DYSF: variants seen among roughly 807,000 people sequenced by gnomAD.
The protein encoded by DYSF is dysferlin.
Under a neutral mutation model 274.9 loss-of-function variants are expected in DYSF, and 212 were observed. The observed-to-expected ratio is 0.77, with a 90% CI of 0.69 to 0.86. The LOEUF is 0.86. Among genes scored for constraint, DYSF ranks in the 40% least tolerant of loss-of-function variants. DYSF has a pLI of 0.00. For missense variants in DYSF, 2,666 were observed against 2,783.2 expected (o/e 0.96, Z 0.95); for synonymous variants, 1,091 against 1,078.7 (o/e 1.01, Z -0.22).
At chr2:71,651,979 T>C (rs1348254224) in intron 42 of DYSF, among the ~76,000 whole-genome samples, 2 of 152,210 alleles carry the variant, frequency 1.3e-5, no homozygotes, top group Non-Finnish European at 2.9e-5. Flanking sequence ...ATATTGGAAA[T>C]AGGAGTTTCC....
At chr2:71,618,073 T>TGA (rs2093954775) in intron 40 of DYSF, among the ~76,000 whole-genome samples, 1 of 123,330 alleles carries the variant, frequency 8.1e-6, no homozygotes. Context: ...AGATGGGGTG[T>TGA]GTGTGTGGTA....
chr2:71,561,948 A>G lies in DYSF; in HGVS notation c.2409+4A>G. 2 of 1,613,170 alleles carry G rather than the reference A, an allele frequency of 1.2e-6. No individual in the cohort carries two copies. Among genetic ancestry groups the G allele is most frequent in the Non-Finnish European group, 1.7e-6 (2 of 1,179,738 alleles). ...TCTGCGTGCCCTGGCAGAGGAGGTA[A>G]TTAAGCCTGGGGGTGCCTTTCTTCT... On this transcript the variant is annotated splice_donor_region_variant and intron_variant, in intron 23 of 55. Coordinates refer to ENST00000410020, the MANE Select transcript of DYSF (RefSeq NM_001130987.2).
intron 1 of DYSF, among the ~76,000 whole-genome samples, chr2:71,470,199 T>G (rs1000220699): frequency 6.6e-6 from 1 of 152,094 alleles, no homozygotes; most frequent in African/African-American, 2.4e-5. Context: ...CCACCTCTTC[T>G]CTTCTTGATC....
chr2:71,544,823 T>C (rs190705616), intron 17 of DYSF, among the ~76,000 whole-genome samples: 1 of 152,340 alleles, frequency 6.6e-6, no homozygotes, highest in East Asian at 1.9e-4. Flanking sequence ...CAGAGGCATG[T>C]ACCTGACATT....
At chr2:71,602,034 C>T (rs2093561235) in intron 35 of DYSF, among the ~76,000 whole-genome samples, 1 of 152,228 alleles carries the variant, frequency 6.6e-6, no homozygotes, top group Non-Finnish European at 1.5e-5. Context: ...GACCACATTT[C>T]CCACTGAATT....
At chr2:71,528,839 C>T (rs1573764807) in intron 14 of DYSF, among the ~76,000 whole-genome samples, 2 of 152,172 alleles carry the variant, frequency 1.3e-5, no homozygotes, top group African/African-American at 4.8e-5. Flanking sequence ...GCACCCTAGC[C>T]TCTTCCTTGC....
chr2:71,457,117 G>A (rs2081099936), intron 1 of DYSF, among the ~76,000 whole-genome samples: 1 of 152,208 alleles, frequency 6.6e-6, no homozygotes, highest in Non-Finnish European at 1.5e-5. Context: ...CCCACCAACA[G>A]TCCTATGAAA....
intron 47 of DYSF, among the ~76,000 whole-genome samples, chr2:71,666,843 G>T (rs1184522930): frequency 6.6e-6 from 1 of 152,212 alleles, no homozygotes; most frequent in African/African-American, 2.4e-5. Flanking sequence ...CAGCTTCTAG[G>T]ATCCTCATGA....
chr2:71,534,065 C>A (rs764819995), intron 14 of DYSF, among the ~76,000 whole-genome samples: 1 of 152,016 alleles, frequency 6.6e-6, no homozygotes, highest in Admixed American at 6.5e-5. Context: ...GCTCTTTTTA[C>A]AGGGAGGAGG....
chr2:71,602,922 A>C, intron 36 of DYSF, 117 bp downstream of exon 36: 1 of 1,250,778 alleles, frequency 8.0e-7, no homozygotes. Flanking sequence ...CATCTGTCAC[A>C]TGGAGACCTG....
chr2:71,614,253 G>T (rs1394513895), intron 40 of DYSF, among the ~76,000 whole-genome samples: 2 of 152,200 alleles, frequency 1.3e-5, no homozygotes, highest in Non-Finnish European at 2.9e-5. Flanking sequence ...TCTGGGCTTT[G>T]CAAGATACTG....
chr2:71,652,309 C>T (rs1234500237), intron 42 of DYSF, among the ~76,000 whole-genome samples: 1 of 152,154 alleles, frequency 6.6e-6, no homozygotes, highest in African/African-American at 2.4e-5. Context: ...AGAAACGGGT[C>T]GTTCATTTTA....
rs1289252736 is a variant in DYSF at position 71,547,866 on chromosome 2, G to A, written c.1577-3175G>A. Among the ~76,000 whole-genome samples, 8 of 152,188 alleles carry A rather than the reference G, an allele frequency of 5.3e-5. No individual in the cohort carries two copies. In the East Asian group the frequency reaches 1.5e-3, roughly 29 times the overall value. Reference sequence around the variant, plus strand: ...TGGGAAGCCGACTTTGCCTCTGTAAGAAGCACATGGGGGTTGGAACTGTGA... The same window carrying A: ...TGGGAAGCCGACTTTGCCTCTGTAAAAAGCACATGGGGGTTGGAACTGTGA... On this transcript the variant is annotated intron_variant, in intron 17 of 55. Coordinates refer to ENST00000410020, the MANE Select transcript of DYSF (RefSeq NM_001130987.2).
In DYSF at chr2:71,640,740, C is replaced by CGTGT. The variant is rs70963107; in HGVS notation, c.4528-3198_4528-3195dup. ...TCTCTCTTCAGGAATGAGATTAATC[C>CGTGT]GTGTGTGTGTGTGTGTGTGTGTGTG... On this transcript the variant is annotated intron_variant, in intron 41 of 55. Transcript: ENST00000410020. Among the ~76,000 whole-genome samples, 942 of 148,360 alleles carry CGTGT rather than the reference C, an allele frequency of 6.3e-3. 9 individuals carry two copies. Among genetic ancestry groups the CGTGT allele is most frequent in the Non-Finnish European group, 5.6e-3 (375 of 66,762 alleles).
intron 47 of DYSF, among the ~76,000 whole-genome samples, chr2:71,665,633 G>T (rs2094986073): frequency 6.6e-6 from 1 of 152,192 alleles, no homozygotes; most frequent in Admixed American, 6.5e-5. Flanking sequence ...TCTCTTTCTG[G>T]CATTGGCTGG....
chr2:71,548,246 G>A (rs1044037484), intron 17 of DYSF, among the ~76,000 whole-genome samples: 8 of 152,158 alleles, frequency 5.3e-5, no homozygotes, highest in Non-Finnish European at 8.8e-5. Flanking sequence ...GGATGGCCAC[G>A]CTCCCTTCTC....
At chr2:71,633,942 T>G (rs2094354570) in intron 41 of DYSF, among the ~76,000 whole-genome samples, 1 of 152,176 alleles carries the variant, frequency 6.6e-6, no homozygotes, top group Admixed American at 6.5e-5. Context: ...TGAATGATGA[T>G]GGGAGATTAA....
chr2:71,679,341 CCTT>C (rs2095266680), intron 53 of DYSF, 106 bp downstream of exon 53: 1 of 1,130,444 alleles, frequency 8.8e-7, no homozygotes. Flanking sequence ...TGTTCCTCCT[CCTT>C]TCTCCCCCTC....
intron 36 of DYSF, among the ~76,000 whole-genome samples, chr2:71,604,215 T>C (rs1365919535): frequency 1.3e-5 from 2 of 152,156 alleles, no homozygotes; most frequent in Non-Finnish European, 2.9e-5. Flanking sequence ...TCCCAGGGGA[T>C]AGCCCTGGGA....
Sources: gnomAD v4.1 joint callset for allele counts (sites outside exome capture counted in the v4.1 genomes callset) on GRCh38, gnomAD v4.1.1 for gene constraint, MANE v1.5 for transcripts, NCBI Gene and HGNC (gene_info 2026-07-23, HGNC 2026-07-21) for gene names.